Variants in NRXN3 observed in about 807,000 individuals in gnomAD.
NRXN3 encodes neurexin III.
In NRXN3, 32 loss-of-function variants were observed where a neutral mutation model predicts 137.6. The observed-to-expected ratio is 0.23, with a 90% CI of 0.18 to 0.31. The LOEUF is 0.31. Ranked by LOEUF, NRXN3 falls within the 10% of genes least tolerant of loss-of-function variation. The pLI is 1.00. For missense variants in NRXN3, 1,574 were observed against 2,062.5 expected (o/e 0.76, Z 4.59); for synonymous variants, 798 against 784.5 (o/e 1.02, Z -0.29).
chr14:78,493,089 C>T (rs941942684), intron 4 of NRXN3, among the ~76,000 whole-genome samples: 1 of 152,142 alleles, frequency 6.6e-6, no homozygotes, highest in Non-Finnish European at 1.5e-5. Flanking sequence ...TCGAAAGTGA[C>T]CAGGAATTGC....
chr14:78,370,938 T>C (rs1274729750), intron 4 of NRXN3, among the ~76,000 whole-genome samples: 2 of 152,234 alleles, frequency 1.3e-5, no homozygotes, highest in Admixed American at 1.3e-4. Flanking sequence ...ACCTGTGTGA[T>C]ACTAGTGTGA....
intron 15 of NRXN3, among the ~76,000 whole-genome samples, chr14:79,069,623 T>A (rs1378443339): frequency 6.6e-6 from 1 of 152,002 alleles, no homozygotes. Flanking sequence ...AGCTATGACC[T>A]GCTAATTTTT....
intron 4 of NRXN3, among the ~76,000 whole-genome samples, chr14:78,469,556 A>G (rs978889027): frequency 5.3e-5 from 8 of 152,126 alleles, no homozygotes; most frequent in Non-Finnish European, 7.4e-5. Context: ...CTGGGTGCCA[A>G]CTGGGGCATG....
chr14:79,381,323 A>G (rs1381688176), intron 15 of NRXN3, among the ~76,000 whole-genome samples: 1 of 152,042 alleles, frequency 6.6e-6, no homozygotes, highest in African/African-American at 2.4e-5. Context: ...TTTGCACATG[A>G]AATGCCTGTG....
chr14:79,334,654 C>G (rs1023419465), intron 15 of NRXN3, among the ~76,000 whole-genome samples: 1 of 151,862 alleles, frequency 6.6e-6, no homozygotes, highest in Non-Finnish European at 1.5e-5. Flanking sequence ...GCCAATTATA[C>G]CATAAAGAGG....
intron 15 of NRXN3, among the ~76,000 whole-genome samples, chr14:79,344,778 A>G (rs1476414128): frequency 2.0e-5 from 3 of 152,196 alleles, no homozygotes; most frequent in African/African-American, 7.2e-5. Context: ...TAAAAAGTTG[A>G]CAATATAACT....
intron 1 of NRXN3, among the ~76,000 whole-genome samples, chr14:78,199,186 A>G (rs1036225897): frequency 2.6e-5 from 4 of 152,216 alleles, no homozygotes; most frequent in African/African-American, 9.6e-5. Flanking sequence ...GCCAGAGGGC[A>G]GTTGAGAATC....
chr14:78,453,819 G>C (rs1341061701), intron 4 of NRXN3, among the ~76,000 whole-genome samples: 1 of 152,130 alleles, frequency 6.6e-6, no homozygotes, highest in Non-Finnish European at 1.5e-5. Context: ...AGAGATCCAA[G>C]TGATACATCT....
chr14:78,709,690 C>G, intron 7 of NRXN3, 35 bp downstream of exon 7: 1 of 1,560,328 alleles, frequency 6.4e-7, no homozygotes, highest in Non-Finnish European at 8.7e-7. Flanking sequence ...TGAGACTAGA[C>G]GAAAGCTGTA....
chr14:78,392,357 A>G (rs1382086693), intron 4 of NRXN3, among the ~76,000 whole-genome samples: 1 of 152,196 alleles, frequency 6.6e-6, no homozygotes, highest in East Asian at 1.9e-4. Flanking sequence ...GTAAGCCCTA[A>G]AAGTTGATAA....
intron 15 of NRXN3, among the ~76,000 whole-genome samples, chr14:79,441,410 C>G (rs1014479889): frequency 1.8e-5 from 2 of 110,770 alleles, no homozygotes; most frequent in Admixed American, 2.7e-4. Context: ...GACGGAGTCT[C>G]GCTCTGTTGT....
intron 15 of NRXN3, among the ~76,000 whole-genome samples, chr14:79,310,965 A>G (rs1208340229): frequency 8.1e-6 from 1 of 123,632 alleles, no homozygotes; most frequent in Non-Finnish European, 1.6e-5. Context: ...AACTTCCAAC[A>G]CTATGTTGAA....
At chr14:79,347,283 A>G (rs539118691) in intron 15 of NRXN3, among the ~76,000 whole-genome samples, 1 of 152,208 alleles carries the variant, frequency 6.6e-6, no homozygotes, top group South Asian at 2.1e-4. Flanking sequence ...TAGAAATAAT[A>G]CTTAATGTCT....
chr14:79,041,734 T>C (rs10134881), intron 15 of NRXN3, among the ~76,000 whole-genome samples: 7,564 of 152,158 alleles, frequency 0.05, 687 homozygotes, highest in African/African-American at 0.17. Context: ...ATGGAAGCAA[T>C]GTAAAAAGAA....
chr14:79,819,137 G>A (rs2099262532), intron 20 of NRXN3, among the ~76,000 whole-genome samples: 1 of 152,158 alleles, frequency 6.6e-6, no homozygotes, highest in African/African-American at 2.4e-5. Flanking sequence ...CTTTTTTTCT[G>A]TAAGGGCTGG....
intron 16 of NRXN3, among the ~76,000 whole-genome samples, chr14:79,568,398 AAC>A (rs954740210): frequency 6.6e-6 from 1 of 152,190 alleles, no homozygotes; most frequent in African/African-American, 2.4e-5. Context: ...CTTCTTAGTG[AAC>A]ACAGTGCTTA....
chr14:78,443,741 G>A lies in NRXN3; in HGVS notation c.757+145881G>A, dbSNP rs114769181. The stretch of plus-strand genomic sequence containing the variant: ...AATAATAAATACCCTCCTCTCAGAA[G>A]TGTTACAAAGTTTATATGAAATAAT... On this transcript the variant is annotated intron_variant, in intron 4 of 20. Coordinates refer to ENST00000335750, the MANE Select transcript of NRXN3 (RefSeq NM_001330195.2). 6.4e-4 allele frequency among the ~76,000 whole-genome samples: 98 copies of A among 152,314 alleles called. 2 individuals are homozygous for A. Among genetic ancestry groups the A allele is most frequent in the African/African-American group, 2.2e-3 (90 of 41,562 alleles).
rs191841101 is a variant in NRXN3, at chr14:79,726,610, T to A, written c.4014+28673T>A. Among the ~76,000 whole-genome samples, 960 of 152,214 alleles carry A rather than the reference T, an allele frequency of 6.3e-3. 4 individuals are homozygous for A. The highest frequency in any genetic ancestry group is 8.8e-3 in the Non-Finnish European group (600 of 68,006). On this transcript the variant is annotated intron_variant, in intron 19 of 20. Coordinates refer to ENST00000335750, the MANE Select transcript of NRXN3 (RefSeq NM_001330195.2). ...TAATTGAATTACCTGCTTCCCCCAG[T>A]AGAGTGCTTACTGGGCACCATACAG...
intron 15 of NRXN3, among the ~76,000 whole-genome samples, chr14:79,172,660 A>G (rs2061902802): frequency 6.6e-6 from 1 of 152,198 alleles, no homozygotes; most frequent in African/African-American, 2.4e-5. Context: ...TTTAATATCA[A>G]AGTAATTCCC....
Sources: gnomAD v4.1 joint callset for allele counts (sites outside exome capture counted in the v4.1 genomes callset) on GRCh38, gnomAD v4.1.1 for gene constraint, MANE v1.5 for transcripts, NCBI Gene and HGNC (gene_info 2026-07-23, HGNC 2026-07-21) for gene names.